Variants in STYXL1 observed in about 807,000 individuals in gnomAD.
The protein encoded by STYXL1 is serine/threonine/tyrosine interacting like 1, also known as serine/threonine/tyrosine-interacting-like protein 1.
Under a neutral mutation model 36.4 loss-of-function variants are expected in STYXL1, and 32 were observed. That is an observed-to-expected ratio of 0.88 (90% CI 0.66 to 1.18). The LOEUF is 1.18. STYXL1 is among the 50% of genes most tolerant of loss of function. The pLI, the probability that STYXL1 is intolerant of heterozygous loss-of-function variation, is 0.00. For synonymous variants in STYXL1, 133 were observed against 144.1 expected, an observed-to-expected ratio of 0.92 and a Z score of 0.55; for missense variants, 354 against 394.1, an observed-to-expected ratio of 0.90 and a Z score of 0.86.
At chr7:76,036,748 C>T (rs1554580782) in intron 1 of STYXL1, among the ~76,000 whole-genome samples, 2 of 149,988 alleles carry the variant, frequency 1.3e-5, no homozygotes, top group Non-Finnish European at 3.0e-5. Flanking sequence ...AAGACATCCT[C>T]CTTTATACAG....
intron 8 of STYXL1, among the ~76,000 whole-genome samples, chr7:75,999,511 A>ATATGTGTGTGTGTGTGTGTG (rs1554565620): frequency 5.2e-5 from 5 of 95,974 alleles, no homozygotes; most frequent in South Asian, 6.2e-4. Context: ...GTGTGTGTGT[A>ATATGTGTGTGTGTGTGTGTG]TGTGTGTGTG....
chr7:76,014,616 G>A (rs554572596), intron 4 of STYXL1, among the ~76,000 whole-genome samples: 2 of 152,094 alleles, frequency 1.3e-5, no homozygotes, highest in Admixed American at 1.3e-4. Context: ...GCCTCCCAGA[G>A]TGCTGAGATT....
At chr7:76,046,323 TGTGTGTGTGTGTGTGTGCGCGCGC>T (rs1378735558) in intron 1 of STYXL1, among the ~76,000 whole-genome samples, 1,274 of 26,720 alleles carry the variant, frequency 0.048, 39 homozygotes, top group Non-Finnish European at 0.074. Flanking sequence ...TGTGTGTGTG[TGTGTGTGTGTGTGTGTGCGCGCGC>T]GCGCGCGCGC....
chr7:76,021,669 GCCT>G (rs1794090874), intron 4 of STYXL1, among the ~76,000 whole-genome samples, 179 bp downstream of exon 4: 1 of 151,958 alleles, frequency 6.6e-6, no homozygotes, highest in Non-Finnish European at 1.5e-5. Context: ...GTATTTGAGG[GCCT>G]CCTCCCATCT....
At chr7:76,033,290 G>A (rs951254869) in intron 1 of STYXL1, among the ~76,000 whole-genome samples, 116 of 150,198 alleles carry the variant, frequency 7.7e-4, no homozygotes, top group Admixed American at 2.3e-3. Flanking sequence ...GGACTACAGC[G>A]TATGCCATCA....
chr7:76,021,736 G>C, intron 4 of STYXL1, 115 bp downstream of exon 4: 1 of 770,548 alleles, frequency 1.3e-6, no homozygotes, highest in Non-Finnish European at 2.2e-6. Context: ...AAACCCTGCT[G>C]TCTCAGTGTC....
chr7:76,039,216 G>A (rs1397555458), intron 1 of STYXL1, among the ~76,000 whole-genome samples: 1 of 149,370 alleles, frequency 6.7e-6, no homozygotes, highest in East Asian at 1.9e-4. Context: ...GATTACAGGC[G>A]TGAGTCACCG....
At chr7:76,027,067 G>GAA (rs1197309175) in intron 3 of STYXL1, among the ~76,000 whole-genome samples, 1 of 136,134 alleles carries the variant, frequency 7.3e-6, no homozygotes, top group African/African-American at 2.7e-5. Context: ...TGTCTCAAAA[G>GAA]AAAAAAAAAA....
In STYXL1 at chr7:76,021,897, G is replaced by C; in HGVS notation, c.261C>G (p.Leu87=). 1 of 1,613,742 alleles carries C rather than the reference G, an allele frequency of 6.2e-7. No individual in the cohort carries two copies. The highest frequency in any genetic ancestry group is 1.3e-5 in the African/African-American group (1 of 75,006). ...CTGAATCATCATCATCATCTTTTAA[G>C]AGTATCTCCAGGGTGCTGCTGTTGT... is the stretch of plus-strand genomic sequence containing the variant. ...YDNNSSTLEI[L]LKDDDDDSDS... Residue 87 remains leucine, a synonymous_variant, in exon 4 of 9, where the codon CTC becomes CTG. Coordinates refer to ENST00000359697, the MANE Select transcript of STYXL1 (RefSeq NM_001317785.2).
chr7:76,038,067 C>T (rs117206544), intron 1 of STYXL1, among the ~76,000 whole-genome samples: 2 of 150,326 alleles, frequency 1.3e-5, no homozygotes, highest in East Asian at 3.9e-4. Context: ...TTTACTCCTA[C>T]CCTCTCAGTT....
chr7:76,030,339 C>A, intron 2 of STYXL1, 82 bp downstream of exon 2: 1 of 1,084,488 alleles, frequency 9.2e-7, no homozygotes, highest in Admixed American at 1.8e-5. Context: ...CCCCCCACCC[C>A]GCCAAAAGTT....
intron 8 of STYXL1, among the ~76,000 whole-genome samples, chr7:75,999,705 G>A (rs1409047779): frequency 1.3e-5 from 2 of 151,630 alleles, no homozygotes; most frequent in African/African-American, 4.8e-5. Context: ...GCACCACCAC[G>A]CCCAGCTAAT....
intron 3 of STYXL1, among the ~76,000 whole-genome samples, chr7:76,026,489 C>T (rs186997527): frequency 1.8e-4 from 27 of 152,140 alleles, no homozygotes; most frequent in Non-Finnish European, 3.4e-4. Context: ...GCTATGTTGC[C>T]CAGGCTGGTC....
chr7:76,028,555 C>T (rs1008694530), intron 3 of STYXL1, 87 bp downstream of exon 3: 75 of 1,255,094 alleles, frequency 6.0e-5, no homozygotes, highest in African/African-American at 1.6e-4. Flanking sequence ...TTCTGCTGCC[C>T]GCTGGATTGA....
chr7:76,033,518 G>A (rs555063189), intron 1 of STYXL1, among the ~76,000 whole-genome samples: 3 of 152,282 alleles, frequency 2.0e-5, no homozygotes, highest in African/African-American at 7.2e-5. Context: ...GATGGCGAAG[G>A]GGAGAAGTTG....
chr7:76,009,403 A>G (rs1792259121), intron 5 of STYXL1, among the ~76,000 whole-genome samples: 1 of 150,950 alleles, frequency 6.6e-6, no homozygotes, highest in Non-Finnish European at 1.5e-5. Flanking sequence ...TACCTCCTAA[A>G]TCTTTCTTTC....
chr7:76,000,614 AAC>A, intron 8 of STYXL1: 1 of 551,136 alleles, frequency 1.8e-6, no homozygotes, highest in South Asian at 1.5e-5. Context: ...ACACCAAACA[AAC>A]ACAGGTGGAC....
intron 7 of STYXL1, among the ~76,000 whole-genome samples, chr7:76,001,731 G>A (rs1266005383): frequency 1.3e-5 from 2 of 151,338 alleles, no homozygotes; most frequent in Non-Finnish European, 1.5e-5. Flanking sequence ...CAGACCTCAG[G>A]TGATCTGCCT....
intron 1 of STYXL1, among the ~76,000 whole-genome samples, chr7:76,033,308 C>A (rs1795576166): frequency 6.6e-6 from 1 of 152,026 alleles, no homozygotes; most frequent in African/African-American, 2.4e-5. Context: ...TCATGCCCGG[C>A]TAAGTTTTGA....
Sources: gnomAD v4.1 joint callset for allele counts (sites outside exome capture counted in the v4.1 genomes callset) on GRCh38, gnomAD v4.1.1 for gene constraint, MANE v1.5 for transcripts, NCBI Gene and HGNC (gene_info 2026-07-23, HGNC 2026-07-21) for gene names.